GLYATL2: variants seen among roughly 807,000 people sequenced by gnomAD.
GLYATL2 encodes the protein glycine-N-acyltransferase like 2.
In GLYATL2, 25 loss-of-function variants were observed where a neutral mutation model predicts 21.4. That is an observed-to-expected ratio of 1.17 (90% CI 0.85 to 1.63). The LOEUF (loss-of-function observed/expected upper bound fraction) is 1.63. GLYATL2 is among the 40% of genes most tolerant of loss of function. The pLI is 0.00. For missense variants in GLYATL2, 361 were observed against 343.3 expected (o/e 1.05, Z -0.41); for synonymous variants, 114 against 118.2 (o/e 0.96, Z 0.23).
At chr11:58,862,764 A>G (rs1019568773) in intron 1 of GLYATL2, among the ~76,000 whole-genome samples, 1 of 152,032 alleles carries the variant, frequency 6.6e-6, no homozygotes, top group Non-Finnish European at 1.5e-5. Flanking sequence ...AAAGACAATT[A>G]TTTTAGATTC....
At chr11:58,897,843 AATT>A in intron 1 of GLYATL2, among the ~76,000 whole-genome samples, 1 of 152,356 alleles carries the variant, frequency 6.6e-6, no homozygotes, top group Non-Finnish European at 1.5e-5. Context: ...ATTGAAAAGG[AATT>A]ATTATTCTTG....
intron 1 of GLYATL2, among the ~76,000 whole-genome samples, chr11:58,840,241 A>T (rs1003321917): frequency 6.6e-6 from 1 of 152,210 alleles, no homozygotes; most frequent in African/African-American, 2.4e-5. Context: ...TTGGAATTAT[A>T]TGTTAGCAAC....
chr11:58,900,905 A>ATGGATG lies in GLYATL2; in HGVS notation n.60+3250_60+3251insCATCCA, dbSNP rs1297789758. Reference sequence around the variant, plus strand: ...AGAACGGAAGCTACCATTGGCCTTAATCTTCACCTCCCGCTTTTCTTCCCT... The same window carrying ATGGATG: ...AGAACGGAAGCTACCATTGGCCTTAATGGATGTCTTCACCTCCCGCTTTTCTTCCCT... On this transcript the variant is annotated intron_variant and non_coding_transcript_variant, in intron 1 of 4. Transcript: ENST00000533636. Among the ~76,000 whole-genome samples, 928 of 150,980 alleles carry ATGGATG rather than the reference A, an allele frequency of 6.1e-3. 12 individuals carry two copies. Among genetic ancestry groups the ATGGATG allele is most frequent in the African/African-American group, 0.021 (872 of 40,788 alleles).
At position 58,837,143 on chromosome 11, in the gene GLYATL2, C is replaced by CT. The variant is rs771979519; in HGVS notation, c.347dup (p.Val117GlyfsTer30). The stretch of plus-strand genomic sequence containing the variant: ...CCTGCACTGATTTTGAAGTTGCAAC[C>CT]TTTCTTATTGCTTCATCCAAGCCCT... On this transcript the variant is annotated frameshift_variant, in exon 5 of 6. Transcript: ENST00000287275. LOFTEE classifies it high-confidence loss of function. The CT allele has an allele frequency of 2.4e-5, 39 of 1,613,884 alleles. No homozygotes were observed. The highest frequency in any genetic ancestry group is 3.3e-4 in the Middle Eastern group (2 of 6,062).
At chr11:58,906,027 G>A (rs575357735), upstream of GLYATL2, among the ~76,000 whole-genome samples, 1 of 152,310 alleles carries the variant, frequency 6.6e-6, no homozygotes, top group South Asian at 2.1e-4. Context: ...GCTTAGACAG[G>A]CAAGAGAGAA....
At chr11:58,846,253 A>T (rs1462165879), upstream of GLYATL2, among the ~76,000 whole-genome samples, 1 of 152,146 alleles carries the variant, frequency 6.6e-6, no homozygotes, top group African/African-American at 2.4e-5. Flanking sequence ...ATAGTTTATA[A>T]TGGGGAGGAG....
intron 1 of GLYATL2, among the ~76,000 whole-genome samples, chr11:58,886,793 G>C (rs1854449323): frequency 6.6e-6 from 1 of 152,108 alleles, no homozygotes; most frequent in Non-Finnish European, 1.5e-5. Flanking sequence ...AGCTTCATGT[G>C]GGTATAGACA....
chr11:58,849,457 A>G (rs530993015), upstream of GLYATL2, among the ~76,000 whole-genome samples: 5 of 152,298 alleles, frequency 3.3e-5, 1 homozygote, highest in African/African-American at 1.2e-4. Flanking sequence ...AAAAAATGAC[A>G]AATTTCTAGA....
At chr11:58,861,460 C>CT (rs1216047004) in intron 1 of GLYATL2, among the ~76,000 whole-genome samples, 2 of 151,268 alleles carry the variant, frequency 1.3e-5, no homozygotes, top group Non-Finnish European at 3.0e-5. Flanking sequence ...ATCTTTTTTT[C>CT]TTTTTTTCCC....
intron 1 of GLYATL2, among the ~76,000 whole-genome samples, chr11:58,877,123 T>C (rs538761325): frequency 6.6e-6 from 1 of 152,360 alleles, no homozygotes; most frequent in Admixed American, 6.5e-5. Flanking sequence ...TGCCGTTTGA[T>C]AAGCCTGTTG....
intron 1 of GLYATL2, chr11:58,885,442 C>T (rs1854419610): frequency 2.0e-6 from 1 of 495,656 alleles, no homozygotes; most frequent in South Asian, 1.5e-5. Flanking sequence ...ATATATATGG[C>T]TGTGTGTATC....
chr11:58,870,240 A>C (rs1192368392), intron 1 of GLYATL2, among the ~76,000 whole-genome samples: 1 of 152,184 alleles, frequency 6.6e-6, no homozygotes, highest in African/African-American at 2.4e-5. Context: ...TGAAGACTTA[A>C]AGAAGGTAAT....
At chr11:58,857,080 C>CT (rs1853841284) in intron 1 of GLYATL2, among the ~76,000 whole-genome samples, 1 of 152,128 alleles carries the variant, frequency 6.6e-6, no homozygotes, top group Admixed American at 6.5e-5. Flanking sequence ...CTATTTTTAG[C>CT]TTTTTGAGGA....
chr11:58,891,937 G>A (rs1193976560), intron 1 of GLYATL2, among the ~76,000 whole-genome samples: 1 of 152,112 alleles, frequency 6.6e-6, no homozygotes, highest in Non-Finnish European at 1.5e-5. Context: ...CTTAAGGCCT[G>A]GTGGAGGGTG....
At chr11:58,834,982 T>G in intron 5 of GLYATL2, 145 bp from the exon 6 acceptor site, 1 of 610,554 alleles carries the variant, frequency 1.6e-6, no homozygotes, top group Non-Finnish European at 2.8e-6. Flanking sequence ...CTTTTCTATT[T>G]CCGCTTCAAA....
chr11:58,847,666 C>A (rs1853666971), upstream of GLYATL2, among the ~76,000 whole-genome samples: 1 of 152,194 alleles, frequency 6.6e-6, no homozygotes, highest in Non-Finnish European at 1.5e-5. Flanking sequence ...AGCTCAACTG[C>A]AATATAATAG....
intron 1 of GLYATL2, among the ~76,000 whole-genome samples, chr11:58,863,578 A>G (rs1289307666): frequency 6.6e-6 from 1 of 152,142 alleles, no homozygotes; most frequent in East Asian, 1.9e-4. Flanking sequence ...TGAAGCCTGA[A>G]GCTGGCCTAG....
At position 58,834,679 on chromosome 11, in the gene GLYATL2, A is replaced by T; in HGVS notation, c.635T>A (p.Val212Asp). 6.2e-7 allele frequency: 1 copy of T among 1,613,552 alleles called. No homozygotes were observed. The highest frequency in any genetic ancestry group is 8.5e-7 in the Non-Finnish European group (1 of 1,180,014). The change falls in exon 6 of 6, where the codon GTC becomes GAC. Residue 212 changes from valine to aspartate, a missense_variant. Coordinates refer to ENST00000287275, the MANE Select transcript of GLYATL2 (RefSeq NM_145016.4). ...FGVLGPEGQL[V>D]SWIVMEQSCE... is the part of the protein sequence containing the mutation. Reference sequence around the variant, plus strand: ...GGACTGTTCCATCACAATCCAAGAGACAAGCTGGCCCTCTGGACCCAGCAC... The same window carrying T: ...GGACTGTTCCATCACAATCCAAGAGTCAAGCTGGCCCTCTGGACCCAGCAC...
chr11:58,905,018 A>T (rs888764724), upstream of GLYATL2, among the ~76,000 whole-genome samples: 8 of 152,218 alleles, frequency 5.3e-5, no homozygotes, highest in African/African-American at 1.9e-4. Context: ...CCCCATGCAA[A>T]GCACTTACTT....
Sources: allele counts gnomAD v4.1 joint callset (sites outside exome capture counted in the v4.1 genomes callset), GRCh38; gene constraint gnomAD v4.1.1; transcripts MANE v1.5; gene names NCBI Gene and HGNC (gene_info 2026-07-23, HGNC 2026-07-21).